GK2: variants seen among roughly 807,000 people sequenced by gnomAD.
The protein encoded by GK2 is glycerol kinase 2.
A neutral mutation model predicts 9.5 loss-of-function variants in GK2; 10 were observed. The observed-to-expected ratio is 1.05, with a 90% confidence interval of 0.65 to 1.78. The LOEUF (loss-of-function observed/expected upper bound fraction) is 1.78. Among genes scored for constraint, GK2 ranks in the 40% most tolerant of loss-of-function variants. The pLI is 0.00. For synonymous variants in GK2, 228 were observed against 229.9 expected, an observed-to-expected ratio of 0.99 and a Z score of 0.07; for missense variants, 643 against 669.0, an observed-to-expected ratio of 0.96 and a Z score of 0.43.
At position 79,407,253 on chromosome 4, in the gene GK2, A is replaced by G. The variant is rs746864179; in HGVS notation, c.948T>C (p.Tyr316=). The change falls in exon 1 of 1, where the codon TAT becomes TAC. Residue 316 remains tyrosine, a synonymous_variant. Transcript: ENST00000358842. The stretch of plus-strand genomic sequence containing the variant: ...CTATAGCAACAGAACCTTCCAGTGC[A>G]TAATATGCTGGCTTCTCTCTGCCTA... ...YKLGREKPAY[Y]ALEGSVAIAG... 7.4e-6 allele frequency: 12 copies of G among 1,614,122 alleles called. No homozygotes were observed. In the African/African-American group the frequency reaches 9.3e-5, roughly 13 times the overall value.
Position 79,407,454 on chromosome 4 carries a change from T to G in GK2, c.747A>C (p.Glu249Asp), listed in dbSNP as rs774192509. 6.2e-7 allele frequency: 1 copy of G among 1,614,162 alleles called. No individual in the cohort carries two copies. Among genetic ancestry groups the G allele is most frequent in the Non-Finnish European group, 8.5e-7 (1 of 1,180,006 alleles). ...CCAAACACCCAGATATTGGCACACC[T>G]TCCAGGGCTCCAGTTTTAATTAGGC... is the stretch of plus-strand genomic sequence containing the variant. ...IYGLIKTGAL[E>D]GVPISGCLGD... Residue 249 changes from glutamate (E) to aspartate (D), a missense_variant, in exon 1 of 1, where the codon GAA becomes GAC. Glu to Asp is a conservative substitution (Grantham distance 45, BLOSUM62 2). Coordinates refer to ENST00000358842, the MANE Select transcript of GK2 (RefSeq NM_033214.3).
At position 79,407,091 on chromosome 4, in the gene GK2, A is replaced by C. The variant is rs988949687; in HGVS notation, c.1110T>G (p.Pro370=). The change falls in exon 1 of 1, where the codon CCT becomes CCG. Residue 370 remains proline (P), a synonymous_variant. Transcript: ENST00000358842. The part of the protein sequence containing the change: ...FVPAFSGLYA[P]YWEPSARGIL... ...TCCCTCTTGCACTGGGCTCCCAATA[A>C]GGTGCATATAACCCTGAAAAGGCTG... The C allele has an allele frequency of 8.1e-6, 13 of 1,614,178 alleles. No homozygotes were observed. The highest frequency in any genetic ancestry group is 1.1e-5 in the Non-Finnish European group (13 of 1,180,000).
rs1345536961 is a variant in GK2 at position 79,408,177 on chromosome 4, A to G, written c.24T>C (p.Ala8=). 1.9e-6 allele frequency: 3 copies of G among 1,603,824 alleles called. No individual in the cohort carries two copies. The highest frequency in any genetic ancestry group is 2.7e-5 in the African/African-American group (2 of 74,776). The change falls in exon 1 of 1, where the codon GCT becomes GCC. Residue 8 remains alanine, a synonymous_variant. Coordinates refer to ENST00000358842, the MANE Select transcript of GK2 (RefSeq NM_033214.3). Reference sequence around the variant, plus strand: ...CCACCGCTCCCACCAACGGCCCCACAGCTGCTGTCTTTGGGGCTGCCATGA... The same window carrying G: ...CCACCGCTCCCACCAACGGCCCCACGGCTGCTGTCTTTGGGGCTGCCATGA... The part of the protein sequence containing the change: MAAPKTA[A]VGPLVGAVVQ...
rs1325852256 is a variant in GK2 at position 79,407,063 on chromosome 4, G to C, written c.1138C>G (p.Leu380Val). The change falls in exon 1 of 1, where the codon CTC becomes GTC. Residue 380 changes from leucine to valine, a missense_variant. Leu to Val is a conservative substitution (Grantham distance 32, BLOSUM62 1). Transcript: ENST00000358842. The stretch of plus-strand genomic sequence containing the variant: ...TTGGTAAACTGAGTGAGGCCACAGA[G>C]TATCCCTCTTGCACTGGGCTCCCAA... ...PYWEPSARGI[L>V]CGLTQFTNKC... The C allele has an allele frequency of 6.2e-7, 1 of 1,614,186 alleles. No individual in the cohort carries two copies. Among genetic ancestry groups the C allele is most frequent in the African/African-American group, 1.3e-5 (1 of 75,044 alleles).
Position 79,406,398 on chromosome 4 carries a change from T to C in GK2, c.*141A>G, listed in dbSNP as rs137892990. The C allele has an allele frequency of 1.7e-6, 1 of 585,630 alleles. No individual in the cohort carries two copies. Among genetic ancestry groups the C allele is most frequent in the African/African-American group, 1.9e-5 (1 of 53,356 alleles). 36.3% of individuals were successfully genotyped at this position (585,630 alleles called of 1,614,324 possible). A position where few individuals can be genotyped will look rare whatever the true frequency, so the allele number is the denominator to read the frequency against. Reference sequence around the variant, plus strand: ...TTTTCTTTATTTCAGGTCACAAGTCTAGGGTTTTCATGGGTCATGTAGCAA... The same window carrying C: ...TTTTCTTTATTTCAGGTCACAAGTCCAGGGTTTTCATGGGTCATGTAGCAA... On this transcript the variant is annotated 3_prime_UTR_variant, in exon 1 of 1. Transcript: ENST00000358842.
rs1163546284 is a variant in GK2 at position 79,407,432 on chromosome 4, A to G, written c.769T>C (p.Leu257=). Residue 257 remains leucine (L), a synonymous_variant, in exon 1 of 1, where the codon TTG becomes CTG. Coordinates refer to ENST00000358842, the MANE Select transcript of GK2 (RefSeq NM_033214.3). ...ALEGVPISGC[L]GDQCAALVGQ... is the part of the protein sequence containing the mutation. Reference sequence around the variant, plus strand: ...ACTAATGCAGCACATTGGTCCCCCAAACACCCAGATATTGGCACACCTTCC... The same window carrying G: ...ACTAATGCAGCACATTGGTCCCCCAGACACCCAGATATTGGCACACCTTCC... 6.2e-7 allele frequency: 1 copy of G among 1,614,042 alleles called. No individual in the cohort carries two copies. The highest frequency in any genetic ancestry group is 8.5e-7 in the Non-Finnish European group (1 of 1,180,028).
rs1056683541 is a variant in GK2 at position 79,407,555 on chromosome 4, C to A, written c.646G>T (p.Asp216Tyr). 3.7e-6 allele frequency: 6 copies of A among 1,614,142 alleles called. No individual in the cohort carries two copies. Among genetic ancestry groups the A allele is most frequent in the Non-Finnish European group, 5.1e-6 (6 of 1,180,006 alleles). ...TCAAAAAAGTCACAGAGCTCTTTATCCCATTCCAAAGAATGGATATTAAAA... is the reference window on the plus strand; with the variant it reads ...TCAAAAAAGTCACAGAGCTCTTTATACCATTCCAAAGAATGGATATTAAAA... ...MLFNIHSLEW[D>Y]KELCDFFEIP... Residue 216 changes from aspartate to tyrosine, a missense_variant, in exon 1 of 1, where the codon GAT becomes TAT. Transcript: ENST00000358842.
At chr4:79,408,228 TG>T, upstream of GK2, 1 of 1,516,438 alleles carries the variant, frequency 6.6e-7, no homozygotes, top group Non-Finnish European at 8.8e-7. Context: ...TCAGCAGCTC[TG>T]GGACCGTTTC....
chr4:79,406,490 C>T lies in GK2; in HGVS notation c.*49G>A, dbSNP rs779899163. ...TATTAAGAGGCAGAACTGCTATATG[C>T]TTTCATTATGTAAAATGTTTACATC... On this transcript the variant is annotated 3_prime_UTR_variant, in exon 1 of 1. Transcript: ENST00000358842. 8.8e-6 allele frequency: 10 copies of T among 1,130,590 alleles called. No homozygotes were observed. The highest frequency in any genetic ancestry group is 7.1e-5 in the East Asian group (3 of 42,422). The allele number at this position is 1,130,590 out of a possible 1,614,324, so 70.0% of individuals were successfully genotyped here.
Position 79,408,227 on chromosome 4 carries a change from C to A in GK2, c.-27G>T. 1 of 1,520,632 alleles carries A rather than the reference C, an allele frequency of 6.6e-7. No individual in the cohort carries two copies. Among genetic ancestry groups the A allele is most frequent in the Non-Finnish European group, 8.8e-7 (1 of 1,133,770 alleles). 94.2% of individuals were successfully genotyped at this position (1,520,632 alleles called of 1,614,324 possible). A position where few individuals can be genotyped will look rare whatever the true frequency, so the allele number is the denominator to read the frequency against. On this transcript the variant is annotated 5_prime_UTR_variant, in exon 1 of 1. Transcript: ENST00000358842. ...ACACCAGTAGGTCGGCTCAGCAGCT[C>A]TGGGACCGTTTCCCAGGCCACGGCG...
chr4:79,407,620 A>C lies in GK2; in HGVS notation c.581T>G (p.Val194Gly). The change falls in exon 1 of 1, where the codon GTG becomes GGG. Residue 194 changes from valine to glycine, a missense_variant. Coordinates refer to ENST00000358842, the MANE Select transcript of GK2 (RefSeq NM_033214.3). Reference protein sequence around the residue: ...WSLTGGVNGGVHCTDVTNASR... With the variant: ...WSLTGGVNGGGHCTDVTNASR... Reference sequence around the variant, plus strand: ...TGCATTTGTTACATCTGTACAATGCACGCCTCCATTAACTCCTCCTGTCAA... The same window carrying C: ...TGCATTTGTTACATCTGTACAATGCCCGCCTCCATTAACTCCTCCTGTCAA... 1 of 1,614,142 alleles carries C rather than the reference A, an allele frequency of 6.2e-7. No individual in the cohort carries two copies. The highest frequency in any genetic ancestry group is 8.5e-7 in the Non-Finnish European group (1 of 1,179,962).
In GK2 at chr4:79,407,215, A is replaced by G. The variant is rs748431542; in HGVS notation, c.986T>C (p.Ile329Thr). The G allele has an allele frequency of 3.7e-6, 6 of 1,614,200 alleles. No homozygotes were observed. The East Asian group carries it at 6.7e-5, about 18-fold the overall frequency. Reference protein sequence around the residue: ...EGSVAIAGAVIRWLRDNLGII... With the variant: ...EGSVAIAGAVTRWLRDNLGII... The stretch of plus-strand genomic sequence containing the variant: ...TCCAAGATTGTCTCTTAGCCAACGA[A>G]TAACAGCACCTGCTATAGCAACAGA... Residue 329 changes from isoleucine to threonine, a missense_variant, in exon 1 of 1, where the codon ATT (isoleucine) becomes ACT (threonine). Coordinates refer to ENST00000358842, the MANE Select transcript of GK2 (RefSeq NM_033214.3).
rs752063626 is a variant in GK2, at chr4:79,408,212, G to A, written c.-12C>T. ...TTTGGGGCTGCCATGACACCAGTAG[G>A]TCGGCTCAGCAGCTCTGGGACCGTT... On this transcript the variant is annotated 5_prime_UTR_variant, in exon 1 of 1. Coordinates refer to ENST00000358842, the MANE Select transcript of GK2 (RefSeq NM_033214.3). 2 of 1,565,686 alleles carry A rather than the reference G, an allele frequency of 1.3e-6. No individual in the cohort carries two copies. Among genetic ancestry groups the A allele is most frequent in the Non-Finnish European group, 8.6e-7 (1 of 1,158,662 alleles).
chr4:79,408,023 T>C lies in GK2; in HGVS notation c.178A>G (p.Ile60Val). Reference sequence around the variant, plus strand: ...ATACACTCGTAGACAGACTGAAGAATTTCTTTAGGGTCTTGTTCCACCCAT... The same window carrying C: ...ATACACTCGTAGACAGACTGAAGAACTTCTTTAGGGTCTTGTTCCACCCAT... Reference protein sequence around the residue: ...EGWVEQDPKEILQSVYECIAR... With the variant: ...EGWVEQDPKEVLQSVYECIAR... The change falls in exon 1 of 1, where the codon ATT (isoleucine) becomes GTT (valine). Residue 60 changes from isoleucine (I) to valine (V), a missense_variant. Coordinates refer to ENST00000358842, the MANE Select transcript of GK2 (RefSeq NM_033214.3). 2 of 1,614,182 alleles carry C rather than the reference T, an allele frequency of 1.2e-6. No individual in the cohort carries two copies. Among genetic ancestry groups the C allele is most frequent in the Non-Finnish European group, 8.5e-7 (1 of 1,180,012 alleles).
Position 79,407,425 on chromosome 4 carries a change from T to A in GK2, c.776A>T (p.Asp259Val). ...TTGTCCTACTAATGCAGCACATTGG[T>A]CCCCCAAACACCCAGATATTGGCAC... ...EGVPISGCLG[D>V]QCAALVGQMC... The change falls in exon 1 of 1, where the codon GAC (aspartate) becomes GTC (valine). Residue 259 changes from aspartate (D) to valine (V), a missense_variant. By Grantham distance (152) the Asp-to-Val change is radical. Coordinates refer to ENST00000358842, the MANE Select transcript of GK2 (RefSeq NM_033214.3). 6.2e-7 allele frequency: 1 copy of A among 1,614,030 alleles called. No individual in the cohort carries two copies. The highest frequency in any genetic ancestry group is 8.5e-7 in the Non-Finnish European group (1 of 1,180,012).
Position 79,407,693 on chromosome 4 carries a change from C to T in GK2, c.508G>A (p.Glu170Lys). ...ATGGTACCAAAAAGAGCTCTACCTT[C>T]TTCAACAGCCTTTTGGACGTTTCTC... is the stretch of plus-strand genomic sequence containing the variant. ...NVRNVQKAVE[E>K]GRALFGTIDS... Residue 170 changes from glutamate to lysine, a missense_variant, in exon 1 of 1, where the codon GAA becomes AAA. Transcript: ENST00000358842. 6.2e-7 allele frequency: 1 copy of T among 1,614,242 alleles called. No individual in the cohort carries two copies. Among genetic ancestry groups the T allele is most frequent in the Non-Finnish European group, 8.5e-7 (1 of 1,180,034 alleles).
In GK2 at chr4:79,407,375, T is replaced by G. The variant is rs1207026954; in HGVS notation, c.826A>C (p.Lys276Gln). Reference protein sequence around the residue: ...GQMCFQEGQAKNTYGTGCFLL... With the variant: ...GQMCFQEGQAQNTYGTGCFLL... The stretch of plus-strand genomic sequence containing the variant: ...AAGCAACCTGTTCCATAGGTGTTTT[T>G]GGCTTGTCCCTCCTGGAAGCACATT... The change falls in exon 1 of 1, where the codon AAA becomes CAA. Residue 276 changes from lysine (K) to glutamine (Q), a missense_variant. Coordinates refer to ENST00000358842, the MANE Select transcript of GK2 (RefSeq NM_033214.3). The G allele has an allele frequency of 6.2e-7, 1 of 1,614,084 alleles. No individual in the cohort carries two copies. Among genetic ancestry groups the G allele is most frequent in the African/African-American group, 1.3e-5 (1 of 74,936 alleles).
In GK2 at chr4:79,406,697, T is replaced by C. The variant is rs778881211; in HGVS notation, c.1504A>G (p.Thr502Ala). The change falls in exon 1 of 1, where the codon ACA (threonine) becomes GCA (alanine). Residue 502 changes from threonine to alanine, a missense_variant. By Grantham distance (58) the Thr-to-Ala change is moderately conservative. Transcript: ENST00000358842. ...QATESEIRYA[T>A]WKKAVMKSMG... is the part of the protein sequence containing the mutation. ...GACTTCATTACGGCTTTCTTCCATG[T>C]GGCATAACGAATTTCACTTTCTGTG... 13 of 1,614,238 alleles carry C rather than the reference T, an allele frequency of 8.1e-6. No homozygotes were observed. Among genetic ancestry groups the C allele is most frequent in the Non-Finnish European group, 1.1e-5 (13 of 1,180,046 alleles).
rs1477504734 is a variant in GK2, at chr4:79,406,769, C to T, written c.1432G>A (p.Ala478Thr). The change falls in exon 1 of 1, where the codon GCT becomes ACT. Residue 478 changes from alanine (A) to threonine (T), a missense_variant. By Grantham distance (58) the Ala-to-Thr change is moderately conservative. Transcript: ENST00000358842. ...CGTTCCATCCTGAGAACTGACAAAG[C>T]CTGGGGTTCAAGGCTCCAAACGCTT... ...GVSVWSLEPQ[A>T]LSVLRMERFE... 1 of 1,614,156 alleles carries T rather than the reference C, an allele frequency of 6.2e-7. No homozygotes were observed. Among genetic ancestry groups the T allele is most frequent in the Admixed American group, 1.7e-5 (1 of 60,020 alleles).
Sources: allele counts gnomAD v4.1 joint callset, GRCh38; gene constraint gnomAD v4.1.1; transcripts MANE v1.5; gene names NCBI Gene and HGNC (gene_info 2026-07-23, HGNC 2026-07-21).